Variants in EXOC5 observed in about 807,000 individuals in gnomAD.
EXOC5 encodes exocyst complex component 5, also known as SEC10-like 1.
EXOC5 carries 17 observed loss-of-function variants against 90.8 expected under a neutral mutation model. The observed-to-expected ratio is 0.19, with a 90% CI of 0.13 to 0.28. The LOEUF (loss-of-function observed/expected upper bound fraction) is 0.28. EXOC5 is among the 10% of genes least tolerant of loss of function. EXOC5 has a pLI of 1.00. For missense variants in EXOC5, 569 were observed against 830.6 expected (o/e 0.69, Z 3.87); for synonymous variants, 260 against 270.0 (o/e 0.96, Z 0.36).
At chr14:57,253,898 G>C (rs1486142011) in intron 1 of EXOC5, among the ~76,000 whole-genome samples, 1 of 152,002 alleles carries the variant, frequency 6.6e-6, no homozygotes, top group African/African-American at 2.4e-5. Context: ...AAAACCCTTA[G>C]AAGAAAATAC....
intron 6 of EXOC5, among the ~76,000 whole-genome samples, chr14:57,236,309 CAG>C (rs1305550385): frequency 7.3e-6 from 1 of 136,282 alleles, no homozygotes; most frequent in Non-Finnish European, 1.5e-5. Context: ...TTTTTCGAGA[CAG>C]AGTTTCTCTG....
intron 12 of EXOC5, among the ~76,000 whole-genome samples, chr14:57,226,663 G>A (rs565391376): frequency 1.3e-5 from 2 of 152,258 alleles, no homozygotes; most frequent in East Asian, 3.9e-4. Context: ...TGGAACACAA[G>A]AGTCCAGAAA....
intron 12 of EXOC5, among the ~76,000 whole-genome samples, 195 bp downstream of exon 12, chr14:57,229,539 T>C (rs750538651): frequency 5.3e-5 from 8 of 152,122 alleles, no homozygotes; most frequent in Non-Finnish European, 1.0e-4. Context: ...ATAATATATA[T>C]AAATAATTAT....
chr14:57,252,478 C>A (rs1392421174), intron 1 of EXOC5, among the ~76,000 whole-genome samples: 1 of 152,012 alleles, frequency 6.6e-6, no homozygotes. Flanking sequence ...GTGTGAAGGG[C>A]AGAAACAGAC....
intron 11 of EXOC5, 106 bp from the exon 12 acceptor site, chr14:57,229,987 GCCAAGAGACC>G (rs1487360098): frequency 1.7e-5 from 9 of 525,748 alleles, no homozygotes; most frequent in African/African-American, 1.3e-4. Context: ...TGGACCAATA[GCCAAGAGACC>G]TAATTTCTAA....
intron 4 of EXOC5, among the ~76,000 whole-genome samples, chr14:57,243,913 C>T (rs1773015623): frequency 1.3e-5 from 2 of 152,034 alleles, no homozygotes; most frequent in African/African-American, 4.8e-5. Flanking sequence ...AACACAGCTA[C>T]CACAGCATTT....
intron 1 of EXOC5, among the ~76,000 whole-genome samples, chr14:57,253,183 A>G (rs943158604): frequency 6.6e-6 from 1 of 152,180 alleles, no homozygotes; most frequent in Admixed American, 6.6e-5. Context: ...ACAGACACAA[A>G]TATGTAGTTA....
intron 2 of EXOC5, among the ~76,000 whole-genome samples, chr14:57,247,221 AAT>A (rs1417288053): frequency 6.6e-6 from 1 of 152,212 alleles, no homozygotes; most frequent in Non-Finnish European, 1.5e-5. Flanking sequence ...GCCTACTTAA[AAT>A]AGTCAAGAAG....
chr14:57,252,978 T>A (rs1240751069), intron 1 of EXOC5, among the ~76,000 whole-genome samples: 1 of 152,086 alleles, frequency 6.6e-6, no homozygotes, highest in Non-Finnish European at 1.5e-5. Context: ...ATCCCGTCAT[T>A]TGCAAAAATA....
chr14:57,213,168 A>G (rs1196611364), intron 15 of EXOC5, among the ~76,000 whole-genome samples: 1 of 151,926 alleles, frequency 6.6e-6, no homozygotes, highest in Non-Finnish European at 1.5e-5. Context: ...GGATCACTTG[A>G]GCCCAGGAAT....
rs550723090 is a variant in EXOC5, at chr14:57,235,128, A to T, written c.669+583T>A. Reference sequence around the variant, plus strand: ...TTTTACCAAAATGAAAAGTCCAACAAATAGCTTCCCCTTCCCTAATCTGAT... The same window carrying T: ...TTTTACCAAAATGAAAAGTCCAACATATAGCTTCCCCTTCCCTAATCTGAT... On this transcript the variant is annotated intron_variant, in intron 7 of 17. Coordinates refer to ENST00000621441, the MANE Select transcript of EXOC5 (RefSeq NM_006544.4). 1.2e-4 allele frequency among the ~76,000 whole-genome samples: 18 copies of T among 152,288 alleles called. No homozygotes were observed. In the South Asian group the frequency reaches 3.7e-3, roughly 32 times the overall value.
chr14:57,240,918 T>C (rs961025758), intron 4 of EXOC5, among the ~76,000 whole-genome samples: 2 of 152,040 alleles, frequency 1.3e-5, no homozygotes, highest in African/African-American at 4.8e-5. Flanking sequence ...GGTGGCATGA[T>C]CTTGGCTCAC....
intron 1 of EXOC5, among the ~76,000 whole-genome samples, chr14:57,263,788 G>A (rs1470335591): frequency 3.6e-5 from 5 of 140,064 alleles, no homozygotes; most frequent in Non-Finnish European, 7.6e-5. Flanking sequence ...AACTGCCCTC[G>A]AACTCCTATG....
chr14:57,216,745 T>G (rs1882987264), intron 15 of EXOC5, among the ~76,000 whole-genome samples: 1 of 152,140 alleles, frequency 6.6e-6, no homozygotes. Flanking sequence ...ACCTTTTGGA[T>G]ATGGCCTCAA....
At chr14:57,260,642 TA>T (rs1349681624) in intron 1 of EXOC5, among the ~76,000 whole-genome samples, 1 of 152,170 alleles carries the variant, frequency 6.6e-6, no homozygotes, top group East Asian at 1.9e-4. Context: ...CCTGTTACAC[TA>T]GTCTCAGCAG....
chr14:57,222,804 C>A (rs939250670), intron 12 of EXOC5, among the ~76,000 whole-genome samples: 4 of 151,516 alleles, frequency 2.6e-5, no homozygotes, highest in African/African-American at 9.7e-5. Flanking sequence ...CACATACACA[C>A]ACACATACAT....
intron 1 of EXOC5, among the ~76,000 whole-genome samples, chr14:57,255,958 A>G: frequency 6.6e-6 from 1 of 152,292 alleles, no homozygotes; most frequent in Admixed American, 6.5e-5. Flanking sequence ...AACAAGAGGT[A>G]AAAGCAGAAA....
intron 11 of EXOC5, among the ~76,000 whole-genome samples, chr14:57,230,950 A>G (rs1208655089): frequency 1.3e-5 from 2 of 151,394 alleles, no homozygotes; most frequent in African/African-American, 2.4e-5. Context: ...TTTTTATATT[A>G]CTAGTGTTCT....
At chr14:57,220,494 C>T (rs921221680) in intron 13 of EXOC5, among the ~76,000 whole-genome samples, 13 of 151,988 alleles carry the variant, frequency 8.6e-5, no homozygotes, top group South Asian at 4.1e-4. Flanking sequence ...AGTCCAGCAG[C>T]GGCATAAGTT....
Sources: gnomAD v4.1 joint callset for allele counts (sites outside exome capture counted in the v4.1 genomes callset) on GRCh38, gnomAD v4.1.1 for gene constraint, MANE v1.5 for transcripts, NCBI Gene and HGNC (gene_info 2026-07-23, HGNC 2026-07-21) for gene names.